ARIH1: variants seen among roughly 807,000 people sequenced by gnomAD.
The protein encoded by ARIH1 is ariadne RBR E3 ubiquitin protein ligase 1, also known as E3 ubiquitin-protein ligase ARIH1.
ARIH1 carries 8 observed loss-of-function variants against 85.0 expected under a neutral mutation model. The ratio of observed to expected loss-of-function variants is 0.09; its 90% CI spans 0.06 to 0.17. The LOEUF is 0.17. Among genes scored for constraint, ARIH1 ranks in the 10% least tolerant of loss-of-function variants. ARIH1 has a pLI of 1.00. For synonymous variants in ARIH1, 238 were observed against 253.6 expected, an observed-to-expected ratio of 0.94 and a Z score of 0.59; for missense variants, 311 against 718.1, an observed-to-expected ratio of 0.43 and a Z score of 6.48.
At chr15:72,555,413 T>A in intron 4 of ARIH1, 50 bp downstream of exon 4, 2 of 1,351,906 alleles carry the variant, frequency 1.5e-6, no homozygotes, top group Non-Finnish European at 2.1e-6. Context: ...CCTATAGTGT[T>A]AAGACCCTTG....
chr15:72,538,431 A>G (rs190821187), intron 2 of ARIH1, among the ~76,000 whole-genome samples: 17 of 152,340 alleles, frequency 1.1e-4, no homozygotes, highest in Admixed American at 1.1e-3. Context: ...AATTGGTTTT[A>G]CATTTTGCTT....
intron 3 of ARIH1, among the ~76,000 whole-genome samples, chr15:72,554,347 G>A (rs995735864): frequency 1.3e-5 from 2 of 152,024 alleles, no homozygotes; most frequent in African/African-American, 4.8e-5. Flanking sequence ...GTGTACGAAG[G>A]CTCCAATTTT....
chr15:72,550,333 T>C (rs2064148152), intron 3 of ARIH1, among the ~76,000 whole-genome samples: 1 of 152,242 alleles, frequency 6.6e-6, no homozygotes, highest in Non-Finnish European at 1.5e-5. Flanking sequence ...AGGTTGAGAC[T>C]TAAAGTGATC....
chr15:72,520,786 T>G (rs1434418077), intron 2 of ARIH1, among the ~76,000 whole-genome samples: 1 of 152,202 alleles, frequency 6.6e-6, no homozygotes, highest in Non-Finnish European at 1.5e-5. Flanking sequence ...GTAGCATAAA[T>G]TTTTTTCTTT....
chr15:72,570,989 C>T (rs1311260585), intron 10 of ARIH1, among the ~76,000 whole-genome samples: 3 of 151,752 alleles, frequency 2.0e-5, no homozygotes, highest in African/African-American at 4.8e-5. Context: ...ATTAGCCAGG[C>T]GTGGTGGCGC....
Position 72,582,031 on chromosome 15 carries a change from T to C in ARIH1, c.1477-44T>C. On this transcript the variant is annotated intron_variant, in intron 12 of 13. Transcript: ENST00000379887. This position sits in a 1 kb window ranked among gnomAD's most constrained non-coding sequence, Gnocchi z 4.6. ...AAAACAGTGAAAATGGTTTATCTTT[T>C]AGCTTTATTTTGAAGCCAAAATTTA... 2 of 1,346,750 alleles carry C rather than the reference T, an allele frequency of 1.5e-6. No individual in the cohort carries two copies. Among genetic ancestry groups the C allele is most frequent in the Non-Finnish European group, 2.1e-6 (2 of 945,622 alleles). 83.4% of individuals were successfully genotyped at this position (1,346,750 alleles called of 1,614,324 possible).
intron 2 of ARIH1, among the ~76,000 whole-genome samples, chr15:72,531,399 C>T (rs938002899): frequency 1.3e-5 from 2 of 151,996 alleles, no homozygotes; most frequent in African/African-American, 4.8e-5. Flanking sequence ...TTCTGAGTAC[C>T]TGGAATTACA....
chr15:72,572,019 C>G, intron 10 of ARIH1, 89 bp from the exon 11 acceptor site: 2 of 916,712 alleles, frequency 2.2e-6, no homozygotes, highest in Non-Finnish European at 1.7e-6. Flanking sequence ...GTTAGATAAT[C>G]TGTAAATCCA....
In ARIH1 at chr15:72,597,416, A is replaced by G. The variant is rs1040563551; in HGVS notation, c.*14124A>G. The G allele has an allele frequency of 3.0e-4, 46 of 151,982 alleles. No homozygotes were observed. The highest frequency in any genetic ancestry group is 1.1e-3 in the African/African-American group (45 of 41,422). The allele number at this position is 151,982 out of a possible 1,614,324, so 9.4% of individuals were successfully genotyped here. On this transcript the variant is annotated 3_prime_UTR_variant, in exon 14 of 14. Coordinates refer to ENST00000379887, the MANE Select transcript of ARIH1 (RefSeq NM_005744.5). ...GTGGGAGATCTTTCCCTACTTTACA[A>G]CCTTGCTGCCAGGATTTTTTTTTTT...
intron 1 of ARIH1, among the ~76,000 whole-genome samples, chr15:72,500,162 C>T (rs560563049): frequency 6.6e-6 from 1 of 151,512 alleles, no homozygotes; most frequent in South Asian, 2.1e-4. Flanking sequence ...GGCACAATCT[C>T]GTCTCACTGC....
intron 1 of ARIH1, among the ~76,000 whole-genome samples, chr15:72,503,488 C>G (rs2063912042): frequency 6.6e-6 from 1 of 152,168 alleles, no homozygotes; most frequent in Non-Finnish European, 1.5e-5. Context: ...CTTATGATTT[C>G]AGTTCTGTAG....
chr15:72,528,439 T>G (rs995866504), intron 2 of ARIH1, among the ~76,000 whole-genome samples: 1 of 152,316 alleles, frequency 6.6e-6, no homozygotes, highest in East Asian at 1.9e-4. Context: ...GCCACATTAT[T>G]AATAATATAT....
intron 7 of ARIH1, among the ~76,000 whole-genome samples, chr15:72,564,859 T>C (rs202117313): frequency 2.0e-5 from 3 of 151,806 alleles, no homozygotes; most frequent in East Asian, 1.9e-4. Context: ...CTTTTTTTTT[T>C]AAAAAGGATG....
intron 1 of ARIH1, among the ~76,000 whole-genome samples, chr15:72,500,314 C>T (rs1330877888): frequency 3.3e-5 from 5 of 152,062 alleles, no homozygotes; most frequent in African/African-American, 4.8e-5. Flanking sequence ...AGGATGATGT[C>T]GATCTCTTGA....
chr15:72,501,826 A>T (rs2063905238), intron 1 of ARIH1, among the ~76,000 whole-genome samples: 1 of 152,222 alleles, frequency 6.6e-6, no homozygotes, highest in East Asian at 1.9e-4. Flanking sequence ...GTGCCAGGGC[A>T]GTTTGGAATT....
At chr15:72,568,602 A>T (rs1396517450) in intron 9 of ARIH1, among the ~76,000 whole-genome samples, 8 of 152,204 alleles carry the variant, frequency 5.3e-5, no homozygotes, top group Admixed American at 5.2e-4. Flanking sequence ...TTGAGGTTTT[A>T]GAAGCTTTTA....
chr15:72,546,655 C>CTGTG (rs35847751), intron 3 of ARIH1, among the ~76,000 whole-genome samples: 92 of 149,534 alleles, frequency 6.2e-4, no homozygotes, highest in Non-Finnish European at 8.9e-4. Context: ...GCTGATTTTT[C>CTGTG]TGTGTGTGTG....
chr15:72,566,654 A>T, intron 8 of ARIH1, 49 bp downstream of exon 8: 2 of 1,476,832 alleles, frequency 1.4e-6, no homozygotes, highest in Admixed American at 3.7e-5. Flanking sequence ...CACTTCTAAG[A>T]CTTAGTGACT....
chr15:72,560,237 C>T (rs1034196089), intron 5 of ARIH1, among the ~76,000 whole-genome samples: 7 of 152,128 alleles, frequency 4.6e-5, no homozygotes, highest in African/African-American at 1.7e-4. Flanking sequence ...AGATAACTGT[C>T]TAATTAAAAT....
Sources: allele counts gnomAD v4.1 joint callset (sites outside exome capture counted in the v4.1 genomes callset), GRCh38; gene constraint gnomAD v4.1.1; non-coding constraint Gnocchi (gnomAD v3.1); transcripts MANE v1.5; gene names NCBI Gene and HGNC (gene_info 2026-07-23, HGNC 2026-07-21).